SREK1IP1: variants seen among roughly 807,000 people sequenced by gnomAD.
SREK1IP1 encodes the protein protein SREK1IP1.
A neutral mutation model predicts 22.8 loss-of-function variants in SREK1IP1; 12 were observed. That is an observed-to-expected ratio of 0.53 (90% confidence interval 0.34 to 0.85). The LOEUF is 0.85. SREK1IP1 is among the 40% of genes least tolerant of loss of function. The probability of loss-of-function intolerance (pLI) is 0.02; values close to 1 mark genes in which losing one functional copy is unlikely to be tolerated. For synonymous variants in SREK1IP1, 53 were observed against 52.7 expected (o/e 1.01, Z -0.02); for missense variants, 147 against 171.8 (o/e 0.86, Z 0.81).
At chr5:64,767,486 G>A (rs928643438) in intron 1 of SREK1IP1, among the ~76,000 whole-genome samples, 5 of 152,100 alleles carry the variant, frequency 3.3e-5, no homozygotes, top group African/African-American at 1.2e-4. Context: ...AGCTCCAGAT[G>A]TACTCCTCCG....
chr5:64,751,132 G>T (rs868720445), intron 2 of SREK1IP1, among the ~76,000 whole-genome samples: 1 of 152,066 alleles, frequency 6.6e-6, no homozygotes, highest in Admixed American at 6.5e-5. Flanking sequence ...CAAACCCAAA[G>T]AACATTTTTC....
Position 64,724,090 on chromosome 5 carries a change from G to A in SREK1IP1, c.*294C>T, listed in dbSNP as rs891976508. Reference sequence around the variant, plus strand: ...AGCCATTTTACAATGAACTTATGAAGTAGTAACACTAGCCAAACACACAGA... The same window carrying A: ...AGCCATTTTACAATGAACTTATGAAATAGTAACACTAGCCAAACACACAGA... On this transcript the variant is annotated 3_prime_UTR_variant, in exon 5 of 5. Transcript: ENST00000513458. The A allele has an allele frequency of 9.2e-6, 2 of 217,576 alleles. No individual in the cohort carries two copies. The highest frequency in any genetic ancestry group is 1.8e-5 in the Non-Finnish European group (2 of 111,280). The allele number at this position is 217,576 out of a possible 1,614,324, so 13.5% of individuals were successfully genotyped here.
At chr5:64,737,263 T>C (rs1742480085) in intron 3 of SREK1IP1, among the ~76,000 whole-genome samples, 2 of 151,380 alleles carry the variant, frequency 1.3e-5, no homozygotes, top group South Asian at 4.2e-4. Flanking sequence ...GGTATGAAAA[T>C]GTAAATCAGT....
Position 64,741,173 on chromosome 5 carries a change from T to G in SREK1IP1, c.89A>C (p.Asn30Thr). The change falls in exon 3 of 5, where the codon AAT becomes ACT. Residue 30 changes from asparagine to threonine, a missense_variant. By Grantham distance (65) the Asn-to-Thr change is moderately conservative. Transcript: ENST00000513458. ...CCTTTTAGGGTCTACTCGGAGAAAA[T>G]TGCGGCATTCAAAAGTCAGGTGACC... is the stretch of plus-strand genomic sequence containing the variant. Reference protein sequence around the residue: ...YPGHLTFECRNFLRVDPKRDI... With the variant: ...YPGHLTFECRTFLRVDPKRDI... The G allele has an allele frequency of 6.2e-7, 1 of 1,611,536 alleles. No homozygotes were observed. Among genetic ancestry groups the G allele is most frequent in the Non-Finnish European group, 8.5e-7 (1 of 1,178,682 alleles).
At chr5:64,745,218 T>C (rs918327241) in intron 2 of SREK1IP1, among the ~76,000 whole-genome samples, 1 of 152,184 alleles carries the variant, frequency 6.6e-6, no homozygotes, top group Non-Finnish European at 1.5e-5. Context: ...TAACACTTTT[T>C]TCCTCCTGCA....
chr5:64,737,935 T>A (rs915154623), intron 3 of SREK1IP1, among the ~76,000 whole-genome samples: 1 of 152,054 alleles, frequency 6.6e-6, no homozygotes, highest in Non-Finnish European at 1.5e-5. Context: ...GGGTCAGTAA[T>A]CCTCCCAGCA....
rs1244917839 is a variant in SREK1IP1 at position 64,719,307 on chromosome 5, A to G, written c.*5077T>C. On this transcript the variant is annotated 3_prime_UTR_variant, in exon 5 of 5. Coordinates refer to ENST00000513458, the MANE Select transcript of SREK1IP1 (RefSeq NM_173829.4). ...ACCTACTGCCAAAGTTGAACTTCAC[A>G]TTCAAAAATACAATTTTGCAAAGGT... 1 of 152,224 alleles carries G rather than the reference A, an allele frequency of 6.6e-6. No homozygotes were observed. Among genetic ancestry groups the G allele is most frequent in the Non-Finnish European group, 1.5e-5 (1 of 68,042 alleles). The allele number at this position is 152,224 out of a possible 1,614,324, so 9.4% of individuals were successfully genotyped here. A position where few individuals can be genotyped will look rare whatever the true frequency, so the allele number is the denominator to read the frequency against.
At position 64,723,813 on chromosome 5, in the gene SREK1IP1, T is replaced by G. The variant is rs1580534560; in HGVS notation, c.*571A>C. 6.5e-6 allele frequency: 1 copy of G among 152,738 alleles called. No homozygotes were observed. Among genetic ancestry groups the G allele is most frequent in the Middle Eastern group, 3.4e-3 (1 of 294 alleles). 9.5% of individuals were successfully genotyped at this position (152,738 alleles called of 1,614,324 possible). A position where few individuals can be genotyped will look rare whatever the true frequency, so the allele number is the denominator to read the frequency against. ...CATCTACCTGCAGACACCATTCATT[T>G]AAAAAGTCCTAGTCAAGACCATTAA... On this transcript the variant is annotated 3_prime_UTR_variant, in exon 5 of 5. Transcript: ENST00000513458.
intron 3 of SREK1IP1, among the ~76,000 whole-genome samples, chr5:64,730,093 C>A (rs532498710): frequency 1.3e-5 from 2 of 151,994 alleles, no homozygotes; most frequent in Admixed American, 1.3e-4. Context: ...CCAACATTTA[C>A]GGGCTGAGAA....
At chr5:64,727,553 A>ATATATATATTTTTTTTTT in intron 4 of SREK1IP1, 1 of 84,682 alleles carries the variant, frequency 1.2e-5, no homozygotes, top group African/African-American at 5.5e-5. Context: ...ATATATATAT[A>ATATATATATTTTTTTTTT]TTTTTTTTTT....
At chr5:64,747,031 C>T (rs1257663182) in intron 2 of SREK1IP1, among the ~76,000 whole-genome samples, 3 of 152,086 alleles carry the variant, frequency 2.0e-5, no homozygotes, top group Non-Finnish European at 1.5e-5. Context: ...GGAGGAGATG[C>T]GTAGGGCAAA....
intron 1 of SREK1IP1, among the ~76,000 whole-genome samples, chr5:64,764,596 T>C (rs192609261): frequency 3.4e-3 from 512 of 152,256 alleles, no homozygotes; most frequent in Non-Finnish European, 5.7e-3. Context: ...ATGGGGAGAC[T>C]TGGCATTTTT....
Position 64,741,194 on chromosome 5 carries a change from T to G in SREK1IP1, c.68A>C (p.His23Pro). The G allele has an allele frequency of 6.2e-7, 1 of 1,609,578 alleles. No homozygotes were observed. The highest frequency in any genetic ancestry group is 8.5e-7 in the Non-Finnish European group (1 of 1,177,598). Residue 23 changes from histidine (H) to proline (P), a missense_variant, in exon 3 of 5, where the codon CAC becomes CCC. Transcript: ENST00000513458. ...AAAATTGCGGCATTCAAAAGTCAGG[T>G]GACCAGCTAAGTGAAACAAACAAAA... Reference protein sequence around the residue: ...AGCKKCGYPGHLTFECRNFLR... With the variant: ...AGCKKCGYPGPLTFECRNFLR...
At chr5:64,739,071 T>C (rs1742512818) in intron 3 of SREK1IP1, among the ~76,000 whole-genome samples, 1 of 152,168 alleles carries the variant, frequency 6.6e-6, no homozygotes, top group South Asian at 2.1e-4. Context: ...TTCCCTGTGA[T>C]ATGAAGTTTT....
chr5:64,726,460 C>T (rs1742268192), intron 4 of SREK1IP1, among the ~76,000 whole-genome samples: 1 of 151,246 alleles, frequency 6.6e-6, no homozygotes. Context: ...CCTGTAGTCC[C>T]AGCTACTGGG....
chr5:64,750,750 TCTATA>T (rs1488741537), intron 2 of SREK1IP1, among the ~76,000 whole-genome samples: 1 of 152,156 alleles, frequency 6.6e-6, no homozygotes, highest in Non-Finnish European at 1.5e-5. Context: ...CCTGAAAACA[TCTATA>T]TCTATTCTCA....
In SREK1IP1 at chr5:64,722,721, C is replaced by G. The variant is rs1053189272; in HGVS notation, c.*1663G>C. ...AACAAAAGCATTTCCTTTTGAGAGG[C>G]CCAAATGACTAAATTAGGTTATGGA... On this transcript the variant is annotated 3_prime_UTR_variant, in exon 5 of 5. Transcript: ENST00000513458. 6.6e-6 allele frequency: 1 copy of G among 152,142 alleles called. No individual in the cohort carries two copies. The highest frequency in any genetic ancestry group is 2.1e-4 in the South Asian group (1 of 4,832). 9.4% of individuals were successfully genotyped at this position (152,142 alleles called of 1,614,324 possible). A position where few individuals can be genotyped will look rare whatever the true frequency, so the allele number is the denominator to read the frequency against.
chr5:64,728,895 TA>T (rs1245477237), intron 3 of SREK1IP1, among the ~76,000 whole-genome samples: 3 of 152,178 alleles, frequency 2.0e-5, no homozygotes, highest in Non-Finnish European at 4.4e-5. Context: ...AACTTGTGTA[TA>T]TTTAAAGAAA....
intron 3 of SREK1IP1, among the ~76,000 whole-genome samples, chr5:64,736,365 T>G (rs1199118136): frequency 6.6e-6 from 1 of 152,214 alleles, no homozygotes; most frequent in Non-Finnish European, 1.5e-5. Flanking sequence ...TTGAGATCGC[T>G]GGCTATAATT....
Sources: gnomAD v4.1 joint callset for allele counts (sites outside exome capture counted in the v4.1 genomes callset) on GRCh38, gnomAD v4.1.1 for gene constraint, MANE v1.5 for transcripts, NCBI Gene and HGNC (gene_info 2026-07-23, HGNC 2026-07-21) for gene names.